VSIG4: variants seen among roughly 807,000 people sequenced by gnomAD.
VSIG4 encodes V-set and immunoglobulin domain containing 4, also known as V-set and immunoglobulin domain-containing protein 4.
VSIG4 carries 34 observed loss-of-function variants against 23.4 expected under a neutral mutation model. The ratio of observed to expected loss-of-function variants is 1.45; its 90% CI spans 1.10 to 1.93. VSIG4 has a LOEUF of 1.93. Ranked by LOEUF, VSIG4 falls within the 30% of genes most tolerant of loss-of-function variation. The probability of loss-of-function intolerance (pLI) is 0.00; values close to 1 mark genes in which losing one functional copy is unlikely to be tolerated. For missense variants in VSIG4, 433 were observed against 310.8 expected (o/e 1.39, Z -2.96); for synonymous variants, 169 against 120.3 (o/e 1.41, Z -2.65).
chrX:66,026,417 C>A (rs777556125), intron 5 of VSIG4, among the ~76,000 whole-genome samples: 66 of 112,000 alleles, frequency 5.9e-4, no homozygotes, highest in East Asian at 2.8e-4. Context: ...GCAGACCCAA[C>A]ATCTAATAAC....
chrX:66,032,830 G>A (rs762765960), intron 2 of VSIG4, 81 bp from the exon 3 acceptor site: 41 of 1,022,448 alleles, frequency 4.0e-5, no homozygotes, highest in South Asian at 3.3e-4. Flanking sequence ...CTTGTTGGGC[G>A]TAAGGGCATG....
At chrX:66,027,684 G>C (rs932610269) in intron 4 of VSIG4, among the ~76,000 whole-genome samples, 158 bp from the exon 5 acceptor site, 2 of 112,206 alleles carry the variant, frequency 1.8e-5, no homozygotes, top group South Asian at 3.7e-4. Flanking sequence ...ATGAGATAAG[G>C]CATCTTCATT....
chrX:66,033,818 A>G lies in VSIG4; in HGVS notation c.68T>C (p.Leu23Pro), dbSNP rs1228645361. Residue 23 changes from leucine (L) to proline (P), a missense_variant, in exon 2 of 8, where the codon CTG (leucine) becomes CCG (proline). Coordinates refer to ENST00000374737, the MANE Select transcript of VSIG4 (RefSeq NM_007268.3). The part of the protein sequence containing the change: ...LTVDTYGRPI[L>P]EVPESVTGPW... ...TCCTGTTACACTCTCTGGCACTTCC[A>G]GGATGGGACGGCCTGAAGAGGCGGA... is the stretch of plus-strand genomic sequence containing the variant. 1 of 1,204,741 alleles carries G rather than the reference A, an allele frequency of 8.3e-7. No homozygotes were observed. Among genetic ancestry groups the G allele is most frequent in the Admixed American group, 2.2e-5 (1 of 45,656 alleles).
chrX:66,036,804 T>C (rs1264120991), intron 1 of VSIG4, among the ~76,000 whole-genome samples: 2 of 40,523 alleles, frequency 4.9e-5, no homozygotes, highest in African/African-American at 1.2e-4. Flanking sequence ...TAATATATTA[T>C]ATAATATTAT....
Position 66,036,794 on chromosome X carries a change from TA to T in VSIG4, c.56-2965del, listed in dbSNP as rs1464204158. ...ATATTATATTATATTATATATAATA[TA>T]ATATATTATATAATATTATATATTA... On this transcript the variant is annotated intron_variant, in intron 1 of 7. Coordinates refer to ENST00000374737, the MANE Select transcript of VSIG4 (RefSeq NM_007268.3). 1.4e-3 allele frequency among the ~76,000 whole-genome samples: 56 copies of T among 39,889 alleles called. 8 individuals carry two copies. Among genetic ancestry groups the T allele is most frequent in the African/African-American group, 6.8e-3 (54 of 7,905 alleles). 34.6% of individuals were successfully genotyped at this position (39,889 alleles called of 115,157 possible). A position where few individuals can be genotyped will look rare whatever the true frequency, so the allele number is the denominator to read the frequency against.
chrX:66,022,730 C>A (rs1453608443), intron 7 of VSIG4, 111 bp downstream of exon 7: 2 of 1,183,714 alleles, frequency 1.7e-6, no homozygotes, highest in Non-Finnish European at 2.3e-6. Flanking sequence ...TGAAGGCCTC[C>A]GGCCTTAGGA....
chrX:66,024,581 C>T (rs2085368182), intron 6 of VSIG4, among the ~76,000 whole-genome samples: 2 of 112,029 alleles, frequency 1.8e-5, no homozygotes, highest in African/African-American at 3.2e-5. Context: ...AAATCCCTTG[C>T]TAATTACCCA....
intron 3 of VSIG4, among the ~76,000 whole-genome samples, chrX:66,031,702 A>T (rs992994565): frequency 1.8e-5 from 2 of 111,164 alleles, no homozygotes; most frequent in Non-Finnish European, 3.8e-5. Flanking sequence ...ACTCATCTGG[A>T]CATATCACTG....
chrX:66,032,877 C>T (rs1351053471), intron 2 of VSIG4, 128 bp from the exon 3 acceptor site: 5 of 723,013 alleles, frequency 6.9e-6, no homozygotes, highest in Non-Finnish European at 9.8e-6. Context: ...GGGCTTCTGA[C>T]TTTGGAGGAA....
chrX:66,029,970 T>G (rs908855706), intron 3 of VSIG4, among the ~76,000 whole-genome samples: 2 of 111,724 alleles, frequency 1.8e-5, no homozygotes, highest in East Asian at 2.8e-4. Context: ...TAAAATCTCC[T>G]GATAATATAG....
chrX:66,033,528 G>A lies in VSIG4; in HGVS notation c.358C>T (p.Pro120Ser), dbSNP rs1602106028. Residue 120 changes from proline to serine, a missense_variant, in exon 2 of 8, where the codon CCT (proline) becomes TCT (serine). Transcript: ENST00000374737. ...HYTCEVTWQT[P>S]DGNQVVRDKI... The stretch of plus-strand genomic sequence containing the variant: ...TCTCTCACGACTTGGTTGCCATCAG[G>A]AGTCTGCCAGGTGACTTCACACGTG... The A allele has an allele frequency of 8.3e-7, 1 of 1,211,468 alleles. No homozygotes were observed. Among genetic ancestry groups the A allele is most frequent in the East Asian group, 3.0e-5 (1 of 33,848 alleles).
chrX:66,028,549 C>T (rs774862501), intron 3 of VSIG4, among the ~76,000 whole-genome samples: 3 of 89,355 alleles, frequency 3.4e-5, no homozygotes, highest in Non-Finnish European at 6.3e-5. Flanking sequence ...CAAAATTTGA[C>T]GTAATCAACT....
At chrX:66,039,652 G>T (rs918895670) in intron 1 of VSIG4, among the ~76,000 whole-genome samples, 1 of 112,129 alleles carries the variant, frequency 8.9e-6, no homozygotes, top group African/African-American at 3.2e-5. Flanking sequence ...AGATTCGGAT[G>T]TCATTGGGAA....
Position 66,025,047 on chromosome X carries a change from G to C in VSIG4, c.918C>G (p.Leu306=). 8.3e-7 allele frequency: 1 copy of C among 1,201,557 alleles called. No homozygotes were observed. Among genetic ancestry groups the C allele is most frequent in the East Asian group, 3.0e-5 (1 of 33,483 alleles). The change falls in exon 6 of 8, where the codon CTC becomes CTG. Residue 306 remains leucine (L), a synonymous_variant. Transcript: ENST00000374737. ...MVVFTMAYIM[L]CRKTSQQEHV... ...AACCTTGTTGGGATGTCTTCCGACA[G>C]AGCATGATATAGGCCATGGTAAAAA...
Position 66,034,777 on chromosome X carries a change from G to T in VSIG4, c.56-947C>A, listed in dbSNP as rs370009487. 8.5e-3 allele frequency among the ~76,000 whole-genome samples: 748 copies of T among 88,188 alleles called. 31 individuals carry two copies. The highest frequency in any genetic ancestry group is 0.027 in the African/African-American group (699 of 25,886). The allele number at this position is 88,188 out of a possible 115,157, so 76.6% of individuals were successfully genotyped here. A position where few individuals can be genotyped will look rare whatever the true frequency, so the allele number is the denominator to read the frequency against. The stretch of plus-strand genomic sequence containing the variant: ...GAAACCCTTGGGGATGGGGGTGGGG[G>T]TGGGGAAGGAGGTGGGGATGTTGAA... On this transcript the variant is annotated intron_variant, in intron 1 of 7. Coordinates refer to ENST00000374737, the MANE Select transcript of VSIG4 (RefSeq NM_007268.3).
rs761307034 is a variant in VSIG4 at position 66,032,542 on chromosome X, C to G, written c.620G>C (p.Gly207Ala). The G allele has an allele frequency of 3.3e-6, 4 of 1,211,678 alleles. No homozygotes were observed. In the South Asian group the frequency reaches 7.0e-5, roughly 21 times the overall value. Residue 207 changes from glycine (G) to alanine (A), a missense_variant, in exon 3 of 8, where the codon GGC becomes GCC. Transcript: ENST00000374737. ...GCCCTTGGCAGTGCAGAAATAGGAG[C>G]CTGAGTCGGCTATCACCGCAGGCTT... ...LFKPAVIADS[G>A]SYFCTAKGQV...
In VSIG4 at chrX:66,039,949, G is replaced by C; in HGVS notation, c.50C>G (p.Thr17Ser). ...LLLLGHLTVD[T>S]YGRPILEVPE... Reference sequence around the variant, plus strand: ...GGCCCCCCTTTCTGCCTTACCATAAGTGTCCACTGTTAGGTGCCCCAGGAG... The same window carrying C: ...GGCCCCCCTTTCTGCCTTACCATAACTGTCCACTGTTAGGTGCCCCAGGAG... Residue 17 changes from threonine (T) to serine (S), a missense_variant, in exon 1 of 8, where the codon ACT (threonine) becomes AGT (serine). Physicochemically the swap from Thr to Ser is moderately conservative, Grantham distance 58. Transcript: ENST00000374737. The C allele has an allele frequency of 1.7e-6, 2 of 1,211,110 alleles. No individual in the cohort carries two copies. Among genetic ancestry groups the C allele is most frequent in the Non-Finnish European group, 2.2e-6 (2 of 895,143 alleles).
At chrX:66,039,383 T>C (rs2085657104) in intron 1 of VSIG4, among the ~76,000 whole-genome samples, 1 of 112,064 alleles carries the variant, frequency 8.9e-6, no homozygotes, top group Admixed American at 9.5e-5. Context: ...ATAAGAACTT[T>C]CTAACAGTTG....
intron 1 of VSIG4, among the ~76,000 whole-genome samples, chrX:66,036,861 T>C (rs1431118649): frequency 7.4e-5 from 3 of 40,539 alleles, no homozygotes; most frequent in Non-Finnish European, 1.1e-4. Context: ...ATATATATAA[T>C]AATATATTAT....
Sources: gnomAD v4.1 joint callset for allele counts (sites outside exome capture counted in the v4.1 genomes callset) on GRCh38, gnomAD v4.1.1 for gene constraint, MANE v1.5 for transcripts, NCBI Gene and HGNC (gene_info 2026-07-23, HGNC 2026-07-21) for gene names.